The following ANKS1B variants were observed in gnomAD, a reference collection of about 807,000 sequenced individuals.
The protein encoded by ANKS1B is ankyrin repeat and sterile alpha motif domain containing 1B, also known as ankyrin repeat and sterile alpha motif domain-containing protein 1B.
ANKS1B carries 36 observed loss-of-function variants against 148.3 expected under a neutral mutation model. The observed-to-expected ratio is 0.24, with a 90% CI of 0.19 to 0.32. ANKS1B has a LOEUF of 0.32. ANKS1B is among the 10% of genes least tolerant of loss of function. The probability of loss-of-function intolerance (pLI) is 1.00; values close to 1 mark genes in which losing one functional copy is unlikely to be tolerated. For missense variants in ANKS1B, 1,157 were observed against 1,542.6 expected, an observed-to-expected ratio of 0.75 and a Z score of 4.19; for synonymous variants, 542 against 560.8, an observed-to-expected ratio of 0.97 and a Z score of 0.47.
rs1353545317 is a variant in ANKS1B at position 99,582,424 on chromosome 12, T to C, written c.1272+72643A>G. Among the ~76,000 whole-genome samples, 6 of 152,008 alleles carry C rather than the reference T, an allele frequency of 3.9e-5. No homozygotes were observed. In the East Asian group the frequency reaches 1.2e-3, roughly 29 times the overall value. ...TGAATGTTCAAAGCAACTTTTTTCA[T>C]AATAGCCAAAAAACAATCAAATGTT... On this transcript the variant is annotated intron_variant, in intron 9 of 26. Coordinates refer to ENST00000683438, the MANE Select transcript of ANKS1B (RefSeq NM_001352186.2).
At chr12:99,909,299 C>T (rs1348301643) in intron 1 of ANKS1B, among the ~76,000 whole-genome samples, 1 of 147,098 alleles carries the variant, frequency 6.8e-6, no homozygotes, top group East Asian at 2.2e-4. Context: ...CATCCATCAA[C>T]AAATGCCTAG....
At chr12:99,443,443 C>A (rs2095583103) in intron 11 of ANKS1B, among the ~76,000 whole-genome samples, 1 of 151,952 alleles carries the variant, frequency 6.6e-6, no homozygotes, top group Non-Finnish European at 1.5e-5. Context: ...CTAAGTCTCA[C>A]TGCTTCATGT....
chr12:98,833,318 T>C (rs1399642448), intron 17 of ANKS1B, among the ~76,000 whole-genome samples: 18 of 152,230 alleles, frequency 1.2e-4, no homozygotes, highest in Non-Finnish European at 4.4e-5. Context: ...TTCCAAAGCA[T>C]GTTTTACTCC....
intron 1 of ANKS1B, among the ~76,000 whole-genome samples, chr12:99,941,756 T>C (rs1165618324): frequency 6.6e-6 from 1 of 152,102 alleles, no homozygotes; most frequent in Non-Finnish European, 1.5e-5. Flanking sequence ...TTTGAAAATG[T>C]AGAATATGGT....
At chr12:99,844,792 T>C (rs1014205737) in intron 1 of ANKS1B, among the ~76,000 whole-genome samples, 12 of 152,330 alleles carry the variant, frequency 7.9e-5, no homozygotes, top group Middle Eastern at 3.4e-3. Context: ...GGTAGTTTAA[T>C]AGGAATGGCA....
intron 2 of ANKS1B, among the ~76,000 whole-genome samples, chr12:99,824,364 G>T (rs189936608): frequency 9.2e-5 from 14 of 152,214 alleles, no homozygotes; most frequent in Admixed American, 8.5e-4. Flanking sequence ...GCCAGGCGTG[G>T]TGGTGGGCAT....
rs552160734 is a variant in ANKS1B, at chr12:98,809,023, C to T, written c.3067-1105G>A. 7.2e-5 allele frequency among the ~76,000 whole-genome samples: 11 copies of T among 152,210 alleles called. No individual in the cohort carries two copies. The South Asian group carries it at 8.3e-4, about 11-fold the overall frequency. On this transcript the variant is annotated intron_variant, in intron 19 of 26. Transcript: ENST00000683438. The stretch of plus-strand genomic sequence containing the variant: ...GCTAAAAGTTTCCTCACCCCAGAAA[C>T]GCTCACCAGCAATTTAACACCTCTC...
intron 15 of ANKS1B, among the ~76,000 whole-genome samples, chr12:99,152,852 T>C (rs1416916919): frequency 2.6e-5 from 4 of 152,174 alleles, no homozygotes; most frequent in African/African-American, 9.7e-5. Flanking sequence ...TTCTTCTAAT[T>C]CTTAATGCCA....
At chr12:99,141,322 A>G (rs537824537) in intron 15 of ANKS1B, among the ~76,000 whole-genome samples, 6 of 151,402 alleles carry the variant, frequency 4.0e-5, no homozygotes, top group African/African-American at 1.5e-4. Flanking sequence ...CGTGGCTCTC[A>G]TTTCACAGAA....
intron 4 of ANKS1B, among the ~76,000 whole-genome samples, chr12:99,800,441 C>CAAAAAAAAAAAAAAAAAAAAA (rs138056927): frequency 1.2e-5 from 1 of 86,750 alleles, no homozygotes. Context: ...ATACAGAAGC[C>CAAAAAAAAAAAAAAAAAAAAA]AAAAAAAAAA....
chr12:99,936,880 A>T (rs562094779), intron 1 of ANKS1B, among the ~76,000 whole-genome samples: 1 of 152,202 alleles, frequency 6.6e-6, no homozygotes, highest in Non-Finnish European at 1.5e-5. Flanking sequence ...GATGTATTCA[A>T]TGATCAGTAG....
intron 17 of ANKS1B, among the ~76,000 whole-genome samples, chr12:98,878,557 T>C (rs1237184208): frequency 6.6e-6 from 1 of 152,132 alleles, no homozygotes; most frequent in African/African-American, 2.4e-5. Context: ...GTTTGTTCAA[T>C]TCCTAACAGG....
At chr12:99,597,223 C>A (rs899566134) in intron 9 of ANKS1B, among the ~76,000 whole-genome samples, 1 of 149,694 alleles carries the variant, frequency 6.7e-6, no homozygotes, top group Non-Finnish European at 1.5e-5. Context: ...ATACATAATA[C>A]TTGCCTTTAC....
chr12:99,843,458 C>T (rs1355072089), intron 1 of ANKS1B, among the ~76,000 whole-genome samples: 1 of 152,084 alleles, frequency 6.6e-6, no homozygotes, highest in African/African-American at 2.4e-5. Flanking sequence ...CTCCGTGTGT[C>T]CATGGGTTCT....
chr12:99,217,002 G>A (rs1489042881), intron 14 of ANKS1B, among the ~76,000 whole-genome samples: 3 of 152,122 alleles, frequency 2.0e-5, no homozygotes, highest in Non-Finnish European at 4.4e-5. Context: ...ATTTTATTGG[G>A]TCAAAGATGG....
At chr12:99,643,120 AT>A (rs112677048) in intron 9 of ANKS1B, among the ~76,000 whole-genome samples, 2 of 152,340 alleles carry the variant, frequency 1.3e-5, no homozygotes, top group African/African-American at 4.8e-5. Context: ...GAGGAGCATT[AT>A]GCTGTCTTTA....
At chr12:99,879,626 G>C (rs1462717283) in intron 1 of ANKS1B, among the ~76,000 whole-genome samples, 1 of 152,104 alleles carries the variant, frequency 6.6e-6, no homozygotes, top group African/African-American at 2.4e-5. Context: ...CAGATAATTA[G>C]ATTTTACATT....
At chr12:99,329,400 G>T (rs1297005095) in intron 12 of ANKS1B, among the ~76,000 whole-genome samples, 1 of 151,850 alleles carries the variant, frequency 6.6e-6, no homozygotes, top group African/African-American at 2.4e-5. Flanking sequence ...ATGTTGTAAT[G>T]AATCTTTATA....
chr12:99,561,780 G>A (rs1333395371), intron 9 of ANKS1B, among the ~76,000 whole-genome samples: 1 of 152,140 alleles, frequency 6.6e-6, no homozygotes, highest in East Asian at 1.9e-4. Context: ...TGTCATCCAT[G>A]AGGGTTGGAA....
Sources: allele counts gnomAD v4.1 joint callset (sites outside exome capture counted in the v4.1 genomes callset), GRCh38; gene constraint gnomAD v4.1.1; transcripts MANE v1.5; gene names NCBI Gene and HGNC (gene_info 2026-07-23, HGNC 2026-07-21).